Variants in PBRM1 observed in about 807,000 individuals in gnomAD.
The protein encoded by PBRM1 is protein polybromo-1.
PBRM1 carries 27 observed loss-of-function variants against 194.5 expected under a neutral mutation model. The observed-to-expected ratio is 0.14, with a 90% confidence interval of 0.10 to 0.19. The LOEUF is 0.19. Ranked by LOEUF, PBRM1 falls within the 10% of genes least tolerant of loss-of-function variation. PBRM1 has a pLI of 1.00. For missense variants in PBRM1, 1,466 were observed against 2,077.2 expected, an observed-to-expected ratio of 0.71 and a Z score of 5.72; for synonymous variants, 655 against 693.2, an observed-to-expected ratio of 0.94 and a Z score of 0.87.
intron 3 of PBRM1, among the ~76,000 whole-genome samples, chr3:52,667,854 G>A (rs569382873): frequency 1.3e-5 from 2 of 150,602 alleles, no homozygotes; most frequent in South Asian, 2.1e-4. Flanking sequence ...GAGGCCAGGA[G>A]TTTGAGACCA....
chr3:52,564,439 G>C (rs2084492552), intron 22 of PBRM1, among the ~76,000 whole-genome samples: 1 of 152,032 alleles, frequency 6.6e-6, no homozygotes, highest in African/African-American at 2.4e-5. Flanking sequence ...TCAGGAGTTT[G>C]AGACCAGCCT....
At chr3:52,599,813 G>C (rs1191008473) in intron 17 of PBRM1, among the ~76,000 whole-genome samples, 1 of 150,888 alleles carries the variant, frequency 6.6e-6, no homozygotes, top group Admixed American at 6.6e-5. Context: ...CTGGGCAACA[G>C]AGTGAGACTC....
At chr3:52,632,101 C>A (rs1028161801) in intron 11 of PBRM1, among the ~76,000 whole-genome samples, 1 of 152,196 alleles carries the variant, frequency 6.6e-6, no homozygotes, top group Non-Finnish European at 1.5e-5. Context: ...CACAGGTTTA[C>A]AAATACCTCT....
chr3:52,626,120 T>C (rs1056137169), intron 13 of PBRM1, among the ~76,000 whole-genome samples: 1 of 152,238 alleles, frequency 6.6e-6, no homozygotes, highest in Non-Finnish European at 1.5e-5. Context: ...CAGGTGATGC[T>C]GCAGTAGAGT....
chr3:52,678,963 C>T (rs2097158704), intron 1 of PBRM1, among the ~76,000 whole-genome samples: 1 of 152,190 alleles, frequency 6.6e-6, no homozygotes, highest in Non-Finnish European at 1.5e-5. Flanking sequence ...TATCACTTCA[C>T]AGAGAATAAA....
intron 22 of PBRM1, among the ~76,000 whole-genome samples, chr3:52,568,791 T>C (rs774734284): frequency 3.9e-5 from 6 of 152,250 alleles, no homozygotes; most frequent in Admixed American, 1.3e-4. Context: ...TGTTTACTCA[T>C]ATATCATATA....
chr3:52,590,693 C>T (rs539048721), intron 17 of PBRM1, among the ~76,000 whole-genome samples: 1 of 152,184 alleles, frequency 6.6e-6, no homozygotes, highest in African/African-American at 2.4e-5. Context: ...GAACTCCTGA[C>T]CTCAAGTGAT....
chr3:52,648,106 A>G (rs1411488838), intron 7 of PBRM1, among the ~76,000 whole-genome samples: 4 of 151,918 alleles, frequency 2.6e-5, no homozygotes, highest in African/African-American at 9.7e-5. Context: ...ATGGGGTTTC[A>G]CTATGTTGGC....
intron 13 of PBRM1, among the ~76,000 whole-genome samples, chr3:52,620,099 G>A (rs2095202951): frequency 6.6e-6 from 1 of 152,188 alleles, no homozygotes; most frequent in Non-Finnish European, 1.5e-5. Flanking sequence ...GACATCCTGG[G>A]GCAATGATGT....
At chr3:52,665,034 A>C (rs1263104766) in intron 3 of PBRM1, among the ~76,000 whole-genome samples, 5 of 152,250 alleles carry the variant, frequency 3.3e-5, no homozygotes, top group Non-Finnish European at 5.9e-5. Flanking sequence ...CCAGAAAAGA[A>C]AAGACAGATA....
At chr3:52,553,013 C>G (rs1311006174) in intron 27 of PBRM1, among the ~76,000 whole-genome samples, 17 of 152,084 alleles carry the variant, frequency 1.1e-4, no homozygotes, top group Non-Finnish European at 1.8e-4. Context: ...GCTGGAGGCT[C>G]CAGGCCAGGC....
At chr3:52,562,308 C>A (rs1437577738) in intron 24 of PBRM1, among the ~76,000 whole-genome samples, 1 of 136,670 alleles carries the variant, frequency 7.3e-6, no homozygotes, top group African/African-American at 2.8e-5. Flanking sequence ...GCCTGGGCGA[C>A]AGAGCAAGAC....
intron 19 of PBRM1, 60 bp from the exon 22 acceptor site, chr3:52,586,748 C>CAAAAAAAAAAAAAACAAAA: frequency 5.5e-6 from 1 of 180,398 alleles, no homozygotes; most frequent in Non-Finnish European, 9.5e-6. Flanking sequence ...GAAAATCAAT[C>CAAAAAAAAAAAAAACAAAA]AAAAAAAAAA....
intron 10 of PBRM1, among the ~76,000 whole-genome samples, chr3:52,639,557 CTTAT>C (rs2095986977): frequency 6.6e-6 from 1 of 151,418 alleles, no homozygotes; most frequent in African/African-American, 2.4e-5. Context: ...CTACATATGG[CTTAT>C]TTTTTAAATT....
intron 16 of PBRM1, among the ~76,000 whole-genome samples, chr3:52,604,027 A>C (rs547526551): frequency 6.6e-5 from 10 of 152,208 alleles, no homozygotes; most frequent in Non-Finnish European, 1.5e-4. Context: ...GCATCAATCG[A>C]TTCTGGCAGG....
intron 13 of PBRM1, among the ~76,000 whole-genome samples, chr3:52,619,473 T>C (rs2095159269): frequency 6.6e-6 from 1 of 152,242 alleles, no homozygotes; most frequent in Non-Finnish European, 1.5e-5. Context: ...AAAAAGTCTG[T>C]ACATGTACAG....
intron 13 of PBRM1, among the ~76,000 whole-genome samples, chr3:52,626,900 T>C (rs1363340882): frequency 6.6e-6 from 1 of 152,146 alleles, no homozygotes; most frequent in Non-Finnish European, 1.5e-5. Context: ...TAGTATCAAA[T>C]TTCTCCTTAC....
intron 4 of PBRM1, among the ~76,000 whole-genome samples, chr3:52,661,226 T>C (rs557281715): frequency 6.6e-6 from 1 of 152,226 alleles, no homozygotes; most frequent in African/African-American, 2.4e-5. Flanking sequence ...GGTTTTACCA[T>C]GTTGGTCAGG....
At chr3:52,674,641 A>ATATATATATAT (rs1286851215) in intron 2 of PBRM1, among the ~76,000 whole-genome samples, 2 of 76,114 alleles carry the variant, frequency 2.6e-5, no homozygotes, top group African/African-American at 7.2e-5. Context: ...AAAAAAAAAA[A>ATATATATATAT]AAATATATAT....
Sources: gnomAD v4.1 joint callset for allele counts (sites outside exome capture counted in the v4.1 genomes callset) on GRCh38, gnomAD v4.1.1 for gene constraint, MANE v1.5 for transcripts, NCBI Gene and HGNC (gene_info 2026-07-23, HGNC 2026-07-21) for gene names.